Variants in GPC6 observed in about 807,000 individuals in gnomAD.
The protein encoded by GPC6 is glypican 6.
GPC6 carries 14 observed loss-of-function variants against 55.2 expected under a neutral mutation model. The ratio of observed to expected loss-of-function variants is 0.25; its 90% CI spans 0.17 to 0.40. The LOEUF (loss-of-function observed/expected upper bound fraction) is 0.40. GPC6 is among the 10% of genes least tolerant of loss of function. The probability of loss-of-function intolerance (pLI) is 1.00; values close to 1 mark genes in which losing one functional copy is unlikely to be tolerated. For missense variants in GPC6, 641 were observed against 708.5 expected, an observed-to-expected ratio of 0.90 and a Z score of 1.08; for synonymous variants, 278 against 259.6, an observed-to-expected ratio of 1.07 and a Z score of -0.68.
At chr13:93,880,839 T>G (rs1282523579) in intron 3 of GPC6, among the ~76,000 whole-genome samples, 2 of 150,864 alleles carry the variant, frequency 1.3e-5, no homozygotes, top group African/African-American at 4.9e-5. Flanking sequence ...ATTACCCAAT[T>G]TAAAAAATAA....
intron 6 of GPC6, among the ~76,000 whole-genome samples, chr13:94,381,988 G>C (rs1321072525): frequency 1.3e-5 from 2 of 152,216 alleles, no homozygotes; most frequent in Non-Finnish European, 2.9e-5. Context: ...GCAGAAACAA[G>C]GAGTCCATTG....
chr13:93,336,960 A>G (rs964614781), intron 1 of GPC6, among the ~76,000 whole-genome samples: 2 of 152,188 alleles, frequency 1.3e-5, no homozygotes, highest in Non-Finnish European at 1.5e-5. Flanking sequence ...AGCTCCTTCA[A>G]TGCAAAGATT....
intron 4 of GPC6, among the ~76,000 whole-genome samples, chr13:94,205,306 T>G (rs1341937401): frequency 6.6e-6 from 1 of 152,216 alleles, no homozygotes; most frequent in Non-Finnish European, 1.5e-5. Flanking sequence ...GTCTTTGTAT[T>G]TGTGAACATC....
chr13:93,306,166 G>T (rs1255195257), intron 1 of GPC6, among the ~76,000 whole-genome samples: 1 of 152,148 alleles, frequency 6.6e-6, no homozygotes, highest in African/African-American at 2.4e-5. Flanking sequence ...GTTAAAAAGT[G>T]CAAAGTGGAA....
At chr13:93,425,161 T>A (rs1298531743) in intron 1 of GPC6, among the ~76,000 whole-genome samples, 1 of 152,236 alleles carries the variant, frequency 6.6e-6, no homozygotes, top group African/African-American at 2.4e-5. Flanking sequence ...AAATTCGTGA[T>A]GAATGAATTA....
intron 1 of GPC6, among the ~76,000 whole-genome samples, chr13:93,260,438 T>C (rs1024260580): frequency 1.3e-5 from 2 of 152,054 alleles, no homozygotes; most frequent in East Asian, 3.9e-4. Flanking sequence ...TCAAACTCCA[T>C]AGGAATTTAA....
At chr13:93,257,488 T>C (rs369422794) in intron 1 of GPC6, among the ~76,000 whole-genome samples, 35 of 152,338 alleles carry the variant, frequency 2.3e-4, no homozygotes, top group African/African-American at 7.7e-4. Context: ...AGGTAAACTA[T>C]GGAAATTACA....
intron 1 of GPC6, among the ~76,000 whole-genome samples, chr13:93,471,968 G>T (rs1465627610): frequency 2.6e-5 from 4 of 152,174 alleles, no homozygotes; most frequent in African/African-American, 9.7e-5. Context: ...TACCAAGAGA[G>T]AAGTATTGAA....
At chr13:93,797,125 G>A (rs1006585466) in intron 2 of GPC6, among the ~76,000 whole-genome samples, 5 of 76,612 alleles carry the variant, frequency 6.5e-5, no homozygotes, top group African/African-American at 3.2e-4. Flanking sequence ...AAGGTGCTGG[G>A]CCATAATTAT....
chr13:93,905,872 A>G (rs1876636677), intron 3 of GPC6, among the ~76,000 whole-genome samples: 1 of 152,260 alleles, frequency 6.6e-6, no homozygotes. Flanking sequence ...AGTATGAAGA[A>G]GGTATGTGAA....
intron 2 of GPC6, among the ~76,000 whole-genome samples, chr13:93,768,410 A>C (rs1885189733): frequency 6.6e-6 from 1 of 152,180 alleles, no homozygotes; most frequent in Non-Finnish European, 1.5e-5. Context: ...TTCGATTACC[A>C]ATCTTACCTC....
intron 1 of GPC6, among the ~76,000 whole-genome samples, chr13:93,278,412 T>G (rs1288095114): frequency 6.6e-6 from 1 of 152,214 alleles, no homozygotes; most frequent in African/African-American, 2.4e-5. Flanking sequence ...CTACGCCCAT[T>G]AAACATGGAT....
intron 1 of GPC6, among the ~76,000 whole-genome samples, chr13:93,388,822 A>T (rs189126009): frequency 8.5e-5 from 13 of 152,244 alleles, no homozygotes; most frequent in African/African-American, 3.1e-4. Context: ...CAATAACTTC[A>T]TAGGTTTTAC....
chr13:94,165,115 A>T (rs577826065), intron 4 of GPC6, among the ~76,000 whole-genome samples: 1 of 151,974 alleles, frequency 6.6e-6, no homozygotes, highest in Non-Finnish European at 1.5e-5. Context: ...ATAGCAGCAC[A>T]ATTCACAATT....
intron 3 of GPC6, among the ~76,000 whole-genome samples, chr13:94,026,510 C>T (rs1882903609): frequency 6.6e-6 from 1 of 151,876 alleles, no homozygotes; most frequent in Non-Finnish European, 1.5e-5. Flanking sequence ...TGTATAGTTA[C>T]TTGACTAAAA....
intron 4 of GPC6, among the ~76,000 whole-genome samples, chr13:94,096,714 A>G (rs1885669838): frequency 6.8e-6 from 1 of 146,126 alleles, no homozygotes; most frequent in Non-Finnish European, 1.5e-5. Context: ...GGAATTAGCC[A>G]TGTCTCTAGT....
At chr13:93,845,077 G>A (rs968231492) in intron 3 of GPC6, among the ~76,000 whole-genome samples, 15 of 152,054 alleles carry the variant, frequency 9.9e-5, no homozygotes, top group Non-Finnish European at 1.0e-4. Context: ...GTCAGGTAGC[G>A]TGATGCCTCC....
chr13:94,088,896 T>TG (rs1420250364), intron 4 of GPC6, among the ~76,000 whole-genome samples: 1 of 152,150 alleles, frequency 6.6e-6, no homozygotes, highest in African/African-American at 2.4e-5. Flanking sequence ...TTTAACTGCC[T>TG]GGGGGTCACT....
chr13:93,492,979 T>C (rs944152148), intron 1 of GPC6, among the ~76,000 whole-genome samples: 2 of 98,998 alleles, frequency 2.0e-5, no homozygotes, highest in South Asian at 4.1e-4. Flanking sequence ...TGGTCTAAAA[T>C]TCTCTTTTTT....
Sources: gnomAD v4.1 joint callset for allele counts (sites outside exome capture counted in the v4.1 genomes callset) on GRCh38, gnomAD v4.1.1 for gene constraint, MANE v1.5 for transcripts, NCBI Gene and HGNC (gene_info 2026-07-23, HGNC 2026-07-21) for gene names.